KCNN2: variants seen among roughly 807,000 people sequenced by gnomAD.
KCNN2 encodes the protein potassium calcium-activated channel subfamily N member 2, also known as small conductance calcium-activated potassium channel protein 2.
KCNN2 carries 24 observed loss-of-function variants against 55.5 expected under a neutral mutation model. That is an observed-to-expected ratio of 0.43 (90% CI 0.31 to 0.61). KCNN2 has a LOEUF of 0.61. KCNN2 is among the 20% of genes least tolerant of loss of function. The probability of loss-of-function intolerance (pLI) is 0.08; values close to 1 mark genes in which losing one functional copy is unlikely to be tolerated. For synonymous variants in KCNN2, 431 were observed against 336.1 expected, an observed-to-expected ratio of 1.28 and a Z score of -3.09; for missense variants, 754 against 853.6, an observed-to-expected ratio of 0.88 and a Z score of 1.45.
chr5:114,118,673 A>G (rs1186047577), intron 1 of KCNN2, among the ~76,000 whole-genome samples: 1 of 152,118 alleles, frequency 6.6e-6, no homozygotes, highest in African/African-American at 2.4e-5. Context: ...AATCTCAGTC[A>G]GAAACACCCT....
At chr5:114,364,819 A>G (rs910330780) in intron 2 of KCNN2, among the ~76,000 whole-genome samples, 1 of 151,902 alleles carries the variant, frequency 6.6e-6, no homozygotes, top group Non-Finnish European at 1.5e-5. Context: ...TCAGCTTAGA[A>G]TTTGCACTGT....
chr5:114,086,363 A>G (rs116652676), intron 1 of KCNN2, among the ~76,000 whole-genome samples: 2,363 of 151,614 alleles, frequency 0.016, 55 homozygotes, highest in African/African-American at 0.054. Flanking sequence ...GGTTTGGGGT[A>G]TGAATGATCC....
chr5:114,417,710 A>C (rs1759350664), intron 3 of KCNN2, among the ~76,000 whole-genome samples: 1 of 152,196 alleles, frequency 6.6e-6, no homozygotes, highest in Non-Finnish European at 1.5e-5. Context: ...TCAGTGGTGT[A>C]GTTGCCTAAA....
At chr5:114,177,804 A>G (rs1277579736) in intron 1 of KCNN2, among the ~76,000 whole-genome samples, 12 of 152,176 alleles carry the variant, frequency 7.9e-5, no homozygotes, top group Admixed American at 7.9e-4. Flanking sequence ...TTAATTTAAG[A>G]CATTATCTTC....
chr5:114,148,608 G>A (rs1580558810), intron 1 of KCNN2, among the ~76,000 whole-genome samples: 1 of 152,240 alleles, frequency 6.6e-6, no homozygotes, highest in East Asian at 1.9e-4. Flanking sequence ...GAAACAGTAG[G>A]CTTAGAAGAG....
intron 1 of KCNN2, among the ~76,000 whole-genome samples, chr5:114,125,499 CT>C (rs1751911616): frequency 6.6e-6 from 1 of 152,270 alleles, no homozygotes; most frequent in East Asian, 1.9e-4. Context: ...AAGCTCTCCA[CT>C]TTTATCACCT....
intron 1 of KCNN2, among the ~76,000 whole-genome samples, chr5:114,072,751 T>C (rs1045682665): frequency 6.6e-6 from 1 of 152,224 alleles, no homozygotes; most frequent in Non-Finnish European, 1.5e-5. Flanking sequence ...CCTTTTGGAC[T>C]TGGGAATTTC....
chr5:114,095,846 C>T (rs1393477359), intron 1 of KCNN2, among the ~76,000 whole-genome samples: 1 of 108,996 alleles, frequency 9.2e-6, no homozygotes, highest in Non-Finnish European at 1.9e-5. Context: ...ATATATGCAC[C>T]TGCTGTATCC....
At chr5:114,249,100 A>G (rs149540070) in intron 2 of KCNN2, among the ~76,000 whole-genome samples, 7 of 152,344 alleles carry the variant, frequency 4.6e-5, no homozygotes, top group African/African-American at 1.4e-4. Flanking sequence ...TGCATAAAAT[A>G]AAACATGAGA....
intron 2 of KCNN2, among the ~76,000 whole-genome samples, chr5:114,330,707 C>T (rs1474807660): frequency 6.6e-6 from 1 of 152,126 alleles, no homozygotes; most frequent in African/African-American, 2.4e-5. Flanking sequence ...AGTTCAAAAG[C>T]CAATTTTTGC....
chr5:114,323,582 C>A (rs927643396), intron 2 of KCNN2, among the ~76,000 whole-genome samples: 2 of 147,362 alleles, frequency 1.4e-5, no homozygotes, highest in African/African-American at 5.0e-5. Context: ...TTGTTCTTTT[C>A]TCTTTGGAAA....
At chr5:114,452,261 C>T (rs1760727096) in intron 3 of KCNN2, among the ~76,000 whole-genome samples, 1 of 152,146 alleles carries the variant, frequency 6.6e-6, no homozygotes, top group South Asian at 2.1e-4. Context: ...TTTGGACTTA[C>T]TGGATTTTAC....
intron 2 of KCNN2, among the ~76,000 whole-genome samples, chr5:114,366,150 G>A (rs1757593733): frequency 6.6e-6 from 1 of 152,050 alleles, no homozygotes; most frequent in Admixed American, 6.6e-5. Context: ...CCACTCATTG[G>A]CTAATTTTGA....
At chr5:114,396,228 G>A (rs184477558) in intron 2 of KCNN2, among the ~76,000 whole-genome samples, 6 of 152,264 alleles carry the variant, frequency 3.9e-5, no homozygotes, top group Admixed American at 2.0e-4. Context: ...TGTTGTTGCT[G>A]TTGTTGTTTA....
At chr5:114,276,054 A>G (rs1158548761) in intron 2 of KCNN2, among the ~76,000 whole-genome samples, 1 of 152,180 alleles carries the variant, frequency 6.6e-6, no homozygotes, top group Non-Finnish European at 1.5e-5. Context: ...GTTTCAAAGA[A>G]CATCTTTATT....
intron 3 of KCNN2, among the ~76,000 whole-genome samples, chr5:114,408,152 C>T (rs1178246239): frequency 6.6e-6 from 1 of 151,064 alleles, no homozygotes; most frequent in African/African-American, 2.4e-5. Flanking sequence ...CAGAATTCTG[C>T]ATTCTCATGT....
chr5:114,327,687 T>TAA (rs1183345926), intron 2 of KCNN2, among the ~76,000 whole-genome samples: 1 of 152,370 alleles, frequency 6.6e-6, no homozygotes, highest in East Asian at 1.9e-4. Context: ...GTTGCCATTC[T>TAA]AAGTGTTTCA....
chr5:114,381,125 C>T (rs1010563352), intron 2 of KCNN2, among the ~76,000 whole-genome samples: 1 of 152,178 alleles, frequency 6.6e-6, no homozygotes, highest in African/African-American at 2.4e-5. Context: ...GGTGGTATGG[C>T]AATCTAATAA....
chr5:114,369,535 G>GGT (rs1487363351), intron 2 of KCNN2, among the ~76,000 whole-genome samples: 2 of 152,128 alleles, frequency 1.3e-5, no homozygotes, highest in Non-Finnish European at 2.9e-5. Context: ...ACAGGTTGAA[G>GGT]GTAAGACTCC....
Sources: allele counts gnomAD v4.1 joint callset (sites outside exome capture counted in the v4.1 genomes callset), GRCh38; gene constraint gnomAD v4.1.1; transcripts MANE v1.5; gene names NCBI Gene and HGNC (gene_info 2026-07-23, HGNC 2026-07-21).